ZNF396: variants seen among roughly 807,000 people sequenced by gnomAD.
ZNF396 encodes zinc finger and SCAN domain-containing protein 14.
A neutral mutation model predicts 20.5 loss-of-function variants in ZNF396; 14 were observed. The observed-to-expected ratio is 0.68, with a 90% CI of 0.45 to 1.07. The LOEUF (loss-of-function observed/expected upper bound fraction) is 1.07. ZNF396 is among the 50% of genes least tolerant of loss of function. The probability of loss-of-function intolerance (pLI) is 0.00; values close to 1 mark genes in which losing one functional copy is unlikely to be tolerated. For missense variants in ZNF396, 347 were observed against 390.1 expected (o/e 0.89, Z 0.93); for synonymous variants, 119 against 140.6 (o/e 0.85, Z 1.08).
At chr18:35,375,045 C>G (rs560383655) in intron 1 of ZNF396, among the ~76,000 whole-genome samples, 47 of 152,046 alleles carry the variant, frequency 3.1e-4, no homozygotes, top group Middle Eastern at 3.2e-3. Context: ...CTGCAAAGAG[C>G]TCAAAGAAAT....
In ZNF396 at chr18:35,369,540, T is replaced by C. The variant is rs2045144299; in HGVS notation, c.683A>G (p.Tyr228Cys). 3.1e-6 allele frequency: 5 copies of C among 1,614,014 alleles called. No individual in the cohort carries two copies. The highest frequency in any genetic ancestry group is 2.2e-5 in the South Asian group (2 of 91,090). Residue 228 changes from tyrosine (Y) to cysteine (C), a missense_variant, in exon 4 of 4, where the codon TAT (tyrosine) becomes TGT (cysteine). Physicochemically the swap from Tyr to Cys is radical, Grantham distance 194 (BLOSUM62 -2). Transcript: ENST00000589332. ...ACCATCTTGTTCATAGGTTCCTCTA[T>C]ATGTGGAACTCTGGGAGCCATTCAT... ...LHMNGSQSST[Y>C]RGTYEQDGRF...
rs566375050 is a variant in ZNF396, at chr18:35,376,756, A to T, written c.-73+522T>A. 7.2e-5 allele frequency among the ~76,000 whole-genome samples: 11 copies of T among 152,336 alleles called. No homozygotes were observed. The East Asian group carries it at 1.9e-3, about 27-fold the overall frequency. On this transcript the variant is annotated intron_variant, in intron 1 of 3. Transcript: ENST00000589332. Reference sequence around the variant, plus strand: ...GTGGCCGCCCTGTCACTTCAGCACCAGGCGCAGAATCTGTGCTAAACCTGA... The same window carrying T: ...GTGGCCGCCCTGTCACTTCAGCACCTGGCGCAGAATCTGTGCTAAACCTGA...
At chr18:35,370,995 C>T (rs2045171571) in intron 3 of ZNF396, among the ~76,000 whole-genome samples, 1 of 152,114 alleles carries the variant, frequency 6.6e-6, no homozygotes, top group Non-Finnish European at 1.5e-5. Flanking sequence ...CAGAGAGGTA[C>T]TGATGATAAG....
At chr18:35,375,085 C>CT (rs1436187987) in intron 1 of ZNF396, among the ~76,000 whole-genome samples, 1 of 151,926 alleles carries the variant, frequency 6.6e-6, no homozygotes, top group Non-Finnish European at 1.5e-5. Context: ...TTTTGTGTGA[C>CT]TTTTTTCAGC....
In ZNF396 at chr18:35,368,470, ATTTATT is replaced by A. The variant is rs750305664; in HGVS notation, c.*739_*744del. 1 of 740,140 alleles carries A rather than the reference ATTTATT, an allele frequency of 1.4e-6. No individual in the cohort carries two copies. The allele number at this position is 740,140 out of a possible 1,614,324, so 45.8% of individuals were successfully genotyped here. A position where few individuals can be genotyped will look rare whatever the true frequency, so the allele number is the denominator to read the frequency against. On this transcript the variant is annotated 3_prime_UTR_variant, in exon 4 of 4. Transcript: ENST00000589332. The stretch of plus-strand genomic sequence containing the variant: ...TCTAGTAACAGAAGACAAAATAGGA[ATTTATT>A]TTTATTTTTATTTATTTATTTATTT...
rs1056831476 is a variant in ZNF396 at position 35,366,938 on chromosome 18, A to G, written c.*2277T>C. 5.3e-5 allele frequency: 8 copies of G among 152,236 alleles called. No homozygotes were observed. Among genetic ancestry groups the G allele is most frequent in the Admixed American group, 5.2e-4 (8 of 15,280 alleles). The allele number at this position is 152,236 out of a possible 1,614,324, so 9.4% of individuals were successfully genotyped here. A position where few individuals can be genotyped will look rare whatever the true frequency, so the allele number is the denominator to read the frequency against. On this transcript the variant is annotated 3_prime_UTR_variant, in exon 4 of 4. Transcript: ENST00000589332. ...TGTGGAAACACTCAAATTATTCACA[A>G]TAAATAGAATGCAATCTTACAAAGT...
chr18:35,369,118 A>G lies in ZNF396; in HGVS notation c.*97T>C. 6.9e-7 allele frequency: 1 copy of G among 1,447,652 alleles called. No individual in the cohort carries two copies. Among genetic ancestry groups the G allele is most frequent in the Non-Finnish European group, 9.1e-7 (1 of 1,102,232 alleles). The allele number at this position is 1,447,652 out of a possible 1,614,324, so 89.7% of individuals were successfully genotyped here. Reference sequence around the variant, plus strand: ...GAGTCTTGAAAGGAGACTGGTGCTTACTAAGACCACTGATTTGTACTAAGG... The same window carrying G: ...GAGTCTTGAAAGGAGACTGGTGCTTGCTAAGACCACTGATTTGTACTAAGG... On this transcript the variant is annotated 3_prime_UTR_variant, in exon 4 of 4. Transcript: ENST00000589332.
chr18:35,375,422 T>C (rs564559757), intron 1 of ZNF396, among the ~76,000 whole-genome samples: 9 of 152,338 alleles, frequency 5.9e-5, no homozygotes, highest in African/African-American at 2.2e-4. Flanking sequence ...AATTTCACTA[T>C]TATAATTAAT....
chr18:35,373,794 C>G, intron 2 of ZNF396, 82 bp downstream of exon 2: 1 of 1,528,722 alleles, frequency 6.5e-7, no homozygotes, highest in South Asian at 1.3e-5. Flanking sequence ...AGTGGGAATA[C>G]AGTTTGAGAG....
chr18:35,375,021 C>A (rs182211997), intron 1 of ZNF396, among the ~76,000 whole-genome samples: 1 of 152,170 alleles, frequency 6.6e-6, no homozygotes, highest in East Asian at 1.9e-4. Flanking sequence ...AAGAGCCAAT[C>A]GGTATTTAGT....
chr18:35,373,814 C>G (rs1846345401), intron 2 of ZNF396, 62 bp downstream of exon 2: 1 of 1,556,704 alleles, frequency 6.4e-7, no homozygotes, highest in African/African-American at 1.4e-5. Flanking sequence ...GCTCTACTCC[C>G]AATGATGTGC....
At chr18:35,376,471 C>G (rs1335964727) in intron 1 of ZNF396, among the ~76,000 whole-genome samples, 1 of 152,190 alleles carries the variant, frequency 6.6e-6, no homozygotes, top group Non-Finnish European at 1.5e-5. Flanking sequence ...GGTCTGAACC[C>G]AGGCCGTCCA....
At chr18:35,371,956 A>T (rs1567955394) in intron 3 of ZNF396, 1 of 152,220 alleles carries the variant, frequency 6.6e-6, no homozygotes, top group Non-Finnish European at 1.5e-5. Context: ...GGCATCAATT[A>T]GTACTTTACA....
chr18:35,369,667 T>C lies in ZNF396; in HGVS notation c.563-7A>G. The stretch of plus-strand genomic sequence containing the variant: ...GTAGTTTTGATGTCTTCATCTGAAA[T>C]GGAAAAACAAATGTCACCAGGAAAG... On this transcript the variant is annotated splice_polypyrimidine_tract_variant and splice_region_variant and intron_variant, in intron 3 of 3. Coordinates refer to ENST00000589332, the MANE Select transcript of ZNF396 (RefSeq NM_001322286.2). 1 of 1,579,928 alleles carries C rather than the reference T, an allele frequency of 6.3e-7. No individual in the cohort carries two copies. The highest frequency in any genetic ancestry group is 1.2e-5 in the South Asian group (1 of 85,152).
Position 35,369,494 on chromosome 18 carries a change from T to G in ZNF396, c.729A>C (p.Gly243=). The G allele has an allele frequency of 6.2e-7, 1 of 1,614,170 alleles. No homozygotes were observed. Among genetic ancestry groups the G allele is most frequent in the Non-Finnish European group, 8.5e-7 (1 of 1,179,972 alleles). The change falls in exon 4 of 4, where the codon GGA becomes GGC. Residue 243 remains glycine (G), a synonymous_variant. Coordinates refer to ENST00000589332, the MANE Select transcript of ZNF396 (RefSeq NM_001322286.2). ...EQDGRFEKRQ[G]NPSWKKQQKC... is the part of the protein sequence containing the mutation. ...TCTGTTGTTTTTTCCAAGAAGGGTT[T>G]CCTTGTCTCTTTTCAAACCTACCAT...
chr18:35,370,041 A>G (rs976847204), intron 3 of ZNF396, among the ~76,000 whole-genome samples: 7 of 152,210 alleles, frequency 4.6e-5, no homozygotes, highest in South Asian at 2.1e-4. Context: ...TGGAGTATCA[A>G]TAAATAAATA....
intron 3 of ZNF396, 122 bp downstream of exon 3, chr18:35,373,334 C>A: frequency 1.7e-6 from 2 of 1,174,788 alleles, no homozygotes; most frequent in East Asian, 2.7e-5. Context: ...AACAGAAGTT[C>A]CCACAGTAAG....
intron 3 of ZNF396, chr18:35,373,125 G>A (rs1399863531): frequency 1.2e-5 from 4 of 332,406 alleles, no homozygotes; most frequent in Non-Finnish European, 2.2e-5. Context: ...ATGATGATGA[G>A]GATCAGTGGT....
Position 35,373,589 on chromosome 18 carries a change from T to G in ZNF396, c.429A>C (p.Gly143=). Residue 143 remains glycine, a synonymous_variant, in exon 3 of 4, where the codon GGA becomes GGC. Coordinates refer to ENST00000589332, the MANE Select transcript of ZNF396 (RefSeq NM_001322286.2). ...ELDGPKQIFF[G]RRKDMIAEKL... ...TCTCTGCAATCATGTCCTTCCTTCG[T>G]CCAAAAAAGATCTAAAAACAGGAAT... 1 of 1,613,058 alleles carries G rather than the reference T, an allele frequency of 6.2e-7. No homozygotes were observed. The highest frequency in any genetic ancestry group is 1.1e-5 in the South Asian group (1 of 90,926).
Sources: gnomAD v4.1 joint callset for allele counts (sites outside exome capture counted in the v4.1 genomes callset) on GRCh38, gnomAD v4.1.1 for gene constraint, MANE v1.5 for transcripts, NCBI Gene and HGNC (gene_info 2026-07-23, HGNC 2026-07-21) for gene names.